The following EPHA4 variants were observed in gnomAD, a reference collection of about 807,000 sequenced individuals.
The protein encoded by EPHA4 is EPH receptor A4.
EPHA4 carries 19 observed loss-of-function variants against 108.3 expected under a neutral mutation model. That is an observed-to-expected ratio of 0.18 (90% CI 0.12 to 0.26). The LOEUF is 0.26. EPHA4 is among the 10% of genes least tolerant of loss of function. The probability of loss-of-function intolerance (pLI) is 1.00; values close to 1 mark genes in which losing one functional copy is unlikely to be tolerated. For missense variants in EPHA4, 917 were observed against 1,254.0 expected (o/e 0.73, Z 4.06); for synonymous variants, 449 against 455.5 (o/e 0.99, Z 0.18).
intron 3 of EPHA4, among the ~76,000 whole-genome samples, chr2:221,514,009 T>C (rs1302650814): frequency 6.6e-6 from 1 of 152,084 alleles, no homozygotes; most frequent in Non-Finnish European, 1.5e-5. Context: ...TAACAGACGA[T>C]GATCTTCCTC....
intron 15 of EPHA4, among the ~76,000 whole-genome samples, chr2:221,429,551 C>T (rs574534278): frequency 4.6e-5 from 7 of 152,228 alleles, no homozygotes; most frequent in Middle Eastern, 3.4e-3. Context: ...AATTGCCGTG[C>T]TTAAAGACCT....
At chr2:221,512,729 G>T (rs1383417748) in intron 3 of EPHA4, among the ~76,000 whole-genome samples, 1 of 152,164 alleles carries the variant, frequency 6.6e-6, no homozygotes, top group African/African-American at 2.4e-5. Flanking sequence ...CCCTTATTAG[G>T]TATGTGCATT....
At position 221,428,999 on chromosome 2, in the gene EPHA4, G is replaced by A. The variant is rs545734614; in HGVS notation, c.2690+959C>T. On this transcript the variant is annotated intron_variant, in intron 15 of 17. Coordinates refer to ENST00000281821, the MANE Select transcript of EPHA4 (RefSeq NM_004438.5). ...GAACACCACAGGGCCTGCAAAGACT[G>A]GAAGGGCTTAAATATTACGGGAGAA... 7.6e-4 allele frequency among the ~76,000 whole-genome samples: 115 copies of A among 152,206 alleles called. 1 individual carries two copies. The South Asian group carries it at 9.7e-3, about 13-fold the overall frequency.
intron 7 of EPHA4, 75 bp downstream of exon 7, chr2:221,456,538 A>T: frequency 6.7e-7 from 1 of 1,486,318 alleles, no homozygotes; most frequent in Middle Eastern, 2.0e-4. Flanking sequence ...AACTCCTTAG[A>T]TTTCACTGTA....
At chr2:221,476,419 T>G (rs1294780563) in intron 5 of EPHA4, among the ~76,000 whole-genome samples, 1 of 152,216 alleles carries the variant, frequency 6.6e-6, no homozygotes, top group Non-Finnish European at 1.5e-5. Context: ...GGGATGATTA[T>G]GCAATAGTCT....
At position 221,568,726 on chromosome 2, in the gene EPHA4, C is replaced by A. The variant is rs1347222781; in HGVS notation, c.151G>T (p.Glu51Ter). Residue 51 changes from glutamate to a stop codon, truncating the protein, a stop_gained, in exon 2 of 18, where the codon GAA becomes TAA. Transcript: ENST00000281821. LOFTEE classifies it high-confidence loss of function. ...GELGWIASPL[E>*]GGWEEVSIMD... ...AGCAACTCAGGACTTACCCCTCCTT[C>A]CAGAGGGCTTGCTATCCACCCAAGT... 6.2e-7 allele frequency: 1 copy of A among 1,613,446 alleles called. No individual in the cohort carries two copies. Among genetic ancestry groups the A allele is most frequent in the Non-Finnish European group, 8.5e-7 (1 of 1,179,666 alleles).
intron 13 of EPHA4, among the ~76,000 whole-genome samples, chr2:221,435,987 A>T (rs1254730972): frequency 6.6e-6 from 1 of 151,976 alleles, no homozygotes; most frequent in Non-Finnish European, 1.5e-5. Context: ...GGCAAATACA[A>T]GTGCAAAAAA....
rs1286930253 is a variant in EPHA4, at chr2:221,443,557, T to C, written c.1824A>G (p.Ala608=). 6.2e-7 allele frequency: 1 copy of C among 1,613,914 alleles called. No individual in the cohort carries two copies. The highest frequency in any genetic ancestry group is 1.3e-5 in the African/African-American group (1 of 74,896). Residue 608 remains alanine, a synonymous_variant, in exon 10 of 18, where the codon GCA becomes GCG. Transcript: ENST00000281821. The part of the protein sequence containing the change: ...DPFTYEDPNQ[A]VREFAKEIDA... The stretch of plus-strand genomic sequence containing the variant: ...CAATTTCTTTGGCAAACTCTCGCAC[T>C]GCTTGGTTGGGATCTTCGTACGTAA...
intron 3 of EPHA4, among the ~76,000 whole-genome samples, chr2:221,516,994 C>T (rs1693007743): frequency 6.6e-6 from 1 of 152,210 alleles, no homozygotes; most frequent in Non-Finnish European, 1.5e-5. Flanking sequence ...TGTCTTTGCT[C>T]TATGGTGTGA....
At chr2:221,470,443 C>T (rs1410859890) in intron 5 of EPHA4, among the ~76,000 whole-genome samples, 1 of 151,650 alleles carries the variant, frequency 6.6e-6, no homozygotes, top group Non-Finnish European at 1.5e-5. Context: ...GGATGGAAGT[C>T]TAGGGAAGTT....
intron 2 of EPHA4, among the ~76,000 whole-genome samples, chr2:221,565,239 T>C (rs1222515395): frequency 1.3e-5 from 2 of 152,348 alleles, no homozygotes; most frequent in East Asian, 3.9e-4. Flanking sequence ...ATGGTAGCAT[T>C]TTCTTTGCAT....
intron 11 of EPHA4, among the ~76,000 whole-genome samples, chr2:221,440,925 C>T (rs1298485713): frequency 6.6e-6 from 1 of 152,176 alleles, no homozygotes; most frequent in African/African-American, 2.4e-5. Context: ...CCCATACCAG[C>T]AGCATTGGCT....
At chr2:221,489,968 A>G (rs903977259) in intron 4 of EPHA4, among the ~76,000 whole-genome samples, 1 of 152,026 alleles carries the variant, frequency 6.6e-6, no homozygotes, top group African/African-American at 2.4e-5. Context: ...AAACATGGTG[A>G]AACCCTGTCC....
chr2:221,544,688 T>TC (rs1693936714), intron 3 of EPHA4, among the ~76,000 whole-genome samples: 1 of 152,014 alleles, frequency 6.6e-6, no homozygotes, highest in Non-Finnish European at 1.5e-5. Flanking sequence ...ATGAATTGTA[T>TC]CCCCCCTCCA....
intron 3 of EPHA4, chr2:221,532,996 C>T (rs1482567836): frequency 6.6e-6 from 1 of 152,172 alleles, no homozygotes; most frequent in Non-Finnish European, 1.5e-5. Flanking sequence ...GCAGACTTGC[C>T]TTGGCTCTTT....
chr2:221,421,276 G>T (rs554225890), intron 17 of EPHA4, among the ~76,000 whole-genome samples: 3 of 151,808 alleles, frequency 2.0e-5, no homozygotes, highest in African/African-American at 7.3e-5. Context: ...CTCCAGCCTG[G>T]GTGACAGAGC....
At chr2:221,446,638 T>C (rs1430304885) in intron 8 of EPHA4, among the ~76,000 whole-genome samples, 2 of 152,172 alleles carry the variant, frequency 1.3e-5, no homozygotes, top group East Asian at 3.9e-4. Context: ...CAGTATGTGA[T>C]AGGTAATAGT....
intron 3 of EPHA4, among the ~76,000 whole-genome samples, chr2:221,544,895 CAG>C (rs927999317): frequency 3.1e-4 from 47 of 152,274 alleles, no homozygotes; most frequent in African/African-American, 8.9e-4. Flanking sequence ...CACGTGAGGA[CAG>C]AGTGAGAAGG....
At chr2:221,543,290 T>C (rs952921266) in intron 3 of EPHA4, among the ~76,000 whole-genome samples, 3 of 152,192 alleles carry the variant, frequency 2.0e-5, no homozygotes, top group Non-Finnish European at 4.4e-5. Flanking sequence ...TCTGTAGCCA[T>C]TAAAAATAAT....
Sources: gnomAD v4.1 joint callset for allele counts (sites outside exome capture counted in the v4.1 genomes callset) on GRCh38, gnomAD v4.1.1 for gene constraint, MANE v1.5 for transcripts, NCBI Gene and HGNC (gene_info 2026-07-23, HGNC 2026-07-21) for gene names.